ADAMTSL1: variants seen among roughly 807,000 people sequenced by gnomAD.
ADAMTSL1 encodes the protein ADAMTS-like protein 1.
ADAMTSL1 carries 126 observed loss-of-function variants against 201.8 expected under a neutral mutation model. The observed-to-expected ratio is 0.62, with a 90% CI of 0.54 to 0.72. The LOEUF is 0.72. ADAMTSL1 is among the 30% of genes least tolerant of loss of function. The pLI is 0.00. For missense variants in ADAMTSL1, 2,679 were observed against 2,277.8 expected, an observed-to-expected ratio of 1.18 and a Z score of -3.59; for synonymous variants, 1,121 against 903.4, an observed-to-expected ratio of 1.24 and a Z score of -4.32.
At position 18,147,142 on chromosome 9, in the gene ADAMTSL1, C is replaced by T. The variant is rs116993906; in HGVS notation, c.88-16720C>T. ...TCCAATTCTACCATTGGTCAGGGTACGTAACCTCTGAAACTTAGTTTGACC... is the reference window on the plus strand; with the variant it reads ...TCCAATTCTACCATTGGTCAGGGTATGTAACCTCTGAAACTTAGTTTGACC... On this transcript the variant is annotated intron_variant, in intron 1 of 29. Transcript: ENST00000680146. 1.5e-3 allele frequency among the ~76,000 whole-genome samples: 221 copies of T among 152,138 alleles called. 2 individuals carry two copies. The highest frequency in any genetic ancestry group is 5.1e-3 in the African/African-American group (210 of 41,532).
chr9:18,152,118 A>G (rs1826942064), intron 1 of ADAMTSL1, among the ~76,000 whole-genome samples: 1 of 152,092 alleles, frequency 6.6e-6, no homozygotes, highest in Non-Finnish European at 1.5e-5. Flanking sequence ...CACATGAAGG[A>G]CCTAAGATTC....
chr9:18,688,704 A>ATATATATATATATATATCTATATC (rs138160150), intron 13 of ADAMTSL1, among the ~76,000 whole-genome samples: 3 of 72,486 alleles, frequency 4.1e-5, no homozygotes, highest in African/African-American at 1.7e-4. Context: ...ATATATATAT[A>ATATATATATATATATATCTATATC]TATATGACTG....
At chr9:18,218,471 C>T (rs943299561) in intron 2 of ADAMTSL1, among the ~76,000 whole-genome samples, 3 of 152,208 alleles carry the variant, frequency 2.0e-5, no homozygotes, top group South Asian at 2.1e-4. Context: ...AAAGTTCAAA[C>T]GTTACCAAAT....
intron 2 of ADAMTSL1, among the ~76,000 whole-genome samples, chr9:18,454,710 A>G (rs1055428764): frequency 6.6e-6 from 1 of 152,148 alleles, no homozygotes; most frequent in Non-Finnish European, 1.5e-5. Context: ...AGTTTATATT[A>G]TTCCACCTTT....
At chr9:18,897,733 C>G (rs1028145559) in intron 26 of ADAMTSL1, among the ~76,000 whole-genome samples, 1 of 152,136 alleles carries the variant, frequency 6.6e-6, no homozygotes, top group African/African-American at 2.4e-5. Flanking sequence ...GGTAGATAAG[C>G]CCACAAAGAT....
chr9:18,775,310 G>T (rs1369580162), intron 17 of ADAMTSL1, among the ~76,000 whole-genome samples: 1 of 152,180 alleles, frequency 6.6e-6, no homozygotes, highest in East Asian at 1.9e-4. Flanking sequence ...TACTTGTGAA[G>T]GAAGGAAAAA....
At chr9:18,477,150 T>C (rs896749172) in intron 1 of ADAMTSL1, among the ~76,000 whole-genome samples, 2 of 152,194 alleles carry the variant, frequency 1.3e-5, no homozygotes, top group Non-Finnish European at 2.9e-5. Flanking sequence ...TTTGTCCCAA[T>C]TGTTTAGCTC....
chr9:18,614,921 A>C (rs2132629168), intron 4 of ADAMTSL1, among the ~76,000 whole-genome samples: 1 of 152,198 alleles, frequency 6.6e-6, no homozygotes, highest in East Asian at 1.9e-4. Flanking sequence ...GTGTTTTGGA[A>C]GTTTCCATCT....
At chr9:18,135,415 C>T (rs1410003721) in intron 1 of ADAMTSL1, among the ~76,000 whole-genome samples, 2 of 152,164 alleles carry the variant, frequency 1.3e-5, no homozygotes, top group Middle Eastern at 6.8e-3. Flanking sequence ...AATATATTTT[C>T]TGTGAATTGT....
upstream of ADAMTSL1, among the ~76,000 whole-genome samples, chr9:18,470,744 T>C (rs186442543): frequency 5.4e-4 from 83 of 152,342 alleles, no homozygotes; most frequent in African/African-American, 1.9e-3. Flanking sequence ...ACACTGAATG[T>C]TAACAGCTTG....
rs555538266 is a variant in ADAMTSL1 at position 18,824,430 on chromosome 9, G to T, written c.3935-1854G>T. 9.2e-5 allele frequency among the ~76,000 whole-genome samples: 14 copies of T among 152,276 alleles called. No homozygotes were observed. In the East Asian group the frequency reaches 2.5e-3, roughly 27 times the overall value. ...GTGTGCCTCTCTCTGATGTGACAAG[G>T]CTGTGGTATCCAAGTCTCCACCCAC... On this transcript the variant is annotated intron_variant, in intron 21 of 28. Transcript: ENST00000380548.
chr9:18,733,942 G>A (rs1005453064), intron 15 of ADAMTSL1, among the ~76,000 whole-genome samples: 1 of 147,180 alleles, frequency 6.8e-6, no homozygotes, highest in Non-Finnish European at 1.5e-5. Flanking sequence ...CTAAGAATTA[G>A]GAAAACAAAA....
chr9:18,170,022 G>T (rs1190742059), intron 2 of ADAMTSL1, among the ~76,000 whole-genome samples: 1 of 151,944 alleles, frequency 6.6e-6, no homozygotes, highest in Non-Finnish European at 1.5e-5. Flanking sequence ...TTGCTACTTT[G>T]AGTTATATGA....
chr9:17,954,296 A>T (rs1241974187), intron 1 of ADAMTSL1, among the ~76,000 whole-genome samples: 1 of 152,206 alleles, frequency 6.6e-6, no homozygotes, highest in Admixed American at 6.5e-5. Context: ...CTGAAGCATT[A>T]TTTCTGCCAC....
chr9:18,349,749 C>T (rs1000587459), intron 2 of ADAMTSL1, among the ~76,000 whole-genome samples: 1 of 152,036 alleles, frequency 6.6e-6, no homozygotes, highest in Non-Finnish European at 1.5e-5. Flanking sequence ...GTCAGCCTGC[C>T]TGAGGCACAA....
chr9:18,650,201 C>G (rs538407623), intron 7 of ADAMTSL1, among the ~76,000 whole-genome samples: 1 of 152,180 alleles, frequency 6.6e-6, no homozygotes, highest in Non-Finnish European at 1.5e-5. Flanking sequence ...GAGCCATGTG[C>G]GGGATATAAT....
At chr9:18,598,930 A>C (rs1443093261) in intron 4 of ADAMTSL1, among the ~76,000 whole-genome samples, 1 of 152,196 alleles carries the variant, frequency 6.6e-6, no homozygotes, top group African/African-American at 2.4e-5. Flanking sequence ...CTCAAATGAA[A>C]GAATATACCC....
In ADAMTSL1 at chr9:18,287,079, C is replaced by T. The variant is rs549847696; in HGVS notation, c.207+123098C>T. The stretch of plus-strand genomic sequence containing the variant: ...CTTCCATTCTTCTGTTATATGTCTG[C>T]CATGGGTCAACTGTGGTTGTACCTC... On this transcript the variant is annotated intron_variant, in intron 2 of 29. Transcript: ENST00000680146. 7.1e-4 allele frequency among the ~76,000 whole-genome samples: 108 copies of T among 152,262 alleles called. No individual in the cohort carries two copies. The South Asian group carries it at 0.021, about 29-fold the overall frequency.
At chr9:18,728,940 C>G (rs1818056974) in intron 15 of ADAMTSL1, among the ~76,000 whole-genome samples, 1 of 152,252 alleles carries the variant, frequency 6.6e-6, no homozygotes, top group African/African-American at 2.4e-5. Flanking sequence ...TCTGGCTGCT[C>G]ATCCAAGAAA....
Sources: gnomAD v4.1 joint callset for allele counts (sites outside exome capture counted in the v4.1 genomes callset) on GRCh38, gnomAD v4.1.1 for gene constraint, MANE v1.5 for transcripts, NCBI Gene and HGNC (gene_info 2026-07-23, HGNC 2026-07-21) for gene names.